FRMPD4: variants seen among roughly 807,000 people sequenced by gnomAD.
FRMPD4 encodes FERM and PDZ domain containing 4.
In FRMPD4, 22 loss-of-function variants were observed where a neutral mutation model predicts 94.1. That is an observed-to-expected ratio of 0.23 (90% CI 0.17 to 0.33). The LOEUF is 0.33. Ranked by LOEUF, FRMPD4 falls within the 10% of genes least tolerant of loss-of-function variation. FRMPD4 has a pLI of 1.00. For missense variants in FRMPD4, 1,111 were observed against 1,339.9 expected, an observed-to-expected ratio of 0.83 and a Z score of 2.67; for synonymous variants, 631 against 548.6, an observed-to-expected ratio of 1.15 and a Z score of -2.10.
chrX:12,378,507 C>T (rs1425481078), intron 1 of FRMPD4, among the ~76,000 whole-genome samples: 2 of 112,268 alleles, frequency 1.8e-5, no homozygotes, highest in African/African-American at 6.5e-5. Flanking sequence ...AGTCAAATGC[C>T]ACTTGGGGGT....
chrX:12,011,570 G>A (rs1000994939), intron 3 of FRMPD4, among the ~76,000 whole-genome samples: 1 of 111,883 alleles, frequency 8.9e-6, no homozygotes, highest in African/African-American at 3.3e-5. Context: ...GAGAAACCAA[G>A]CAACCTTGAA....
intron 3 of FRMPD4, among the ~76,000 whole-genome samples, chrX:12,043,205 A>G (rs1260966544): frequency 8.9e-6 from 1 of 111,987 alleles, no homozygotes; most frequent in Non-Finnish European, 1.9e-5. Flanking sequence ...TCACTCTGTC[A>G]TACATTGAAA....
chrX:12,322,390 C>T (rs749517114), intron 1 of FRMPD4, among the ~76,000 whole-genome samples: 45 of 110,885 alleles, frequency 4.1e-4, no homozygotes, highest in Middle Eastern at 9.4e-3. Flanking sequence ...GAAGCTGACC[C>T]CAGAGTGGAT....
At chrX:12,455,327 G>A (rs748076522) in intron 1 of FRMPD4, among the ~76,000 whole-genome samples, 2 of 111,660 alleles carry the variant, frequency 1.8e-5, no homozygotes, top group Non-Finnish European at 3.8e-5. Context: ...CTGACAAAAG[G>A]TTAGGACTGG....
At chrX:11,887,348 A>G (rs933501455) in intron 3 of FRMPD4, among the ~76,000 whole-genome samples, 1 of 111,454 alleles carries the variant, frequency 9.0e-6, no homozygotes, top group Non-Finnish European at 1.9e-5. Flanking sequence ...AGACACGGCT[A>G]ATCACAGACA....
intron 1 of FRMPD4, among the ~76,000 whole-genome samples, chrX:12,383,829 G>A (rs1430061033): frequency 9.0e-6 from 1 of 111,649 alleles, no homozygotes; most frequent in Non-Finnish European, 1.9e-5. Flanking sequence ...AGACACGGCA[G>A]CCACACATTC....
At chrX:12,564,828 TGA>T (rs62871260) in intron 2 of FRMPD4, among the ~76,000 whole-genome samples, 6 of 103,341 alleles carry the variant, frequency 5.8e-5, no homozygotes, top group East Asian at 6.0e-4. Context: ...AGGAAATGCT[TGA>T]GAGAGAGAGA....
chrX:12,190,331 G>A (rs764973708), intron 1 of FRMPD4, among the ~76,000 whole-genome samples: 1 of 111,130 alleles, frequency 9.0e-6, no homozygotes, highest in East Asian at 2.8e-4. Flanking sequence ...ATCCCAGGAA[G>A]TTATTTTGTG....
At chrX:11,896,027 C>G (rs947793732) in intron 3 of FRMPD4, among the ~76,000 whole-genome samples, 4 of 112,374 alleles carry the variant, frequency 3.6e-5, no homozygotes, top group African/African-American at 1.3e-4. Flanking sequence ...GGAGCTGTCC[C>G]TTGTGATACT....
intron 3 of FRMPD4, among the ~76,000 whole-genome samples, chrX:12,108,784 A>C (rs1200865597): frequency 8.9e-6 from 1 of 112,026 alleles, no homozygotes; most frequent in Non-Finnish European, 1.9e-5. Context: ...CTAGTCTCTG[A>C]TAAAACAGAC....
intron 1 of FRMPD4, among the ~76,000 whole-genome samples, chrX:12,311,778 A>G (rs959448213): frequency 1.5e-4 from 17 of 111,618 alleles, no homozygotes; most frequent in African/African-American, 4.9e-4. Flanking sequence ...TTTAAGTCTC[A>G]TAATTCTTTT....
chrX:12,079,495 T>A (rs1388727359), intron 3 of FRMPD4, among the ~76,000 whole-genome samples: 1 of 111,931 alleles, frequency 8.9e-6, no homozygotes, highest in Non-Finnish European at 1.9e-5. Flanking sequence ...TCCCCATTTT[T>A]ACACTTTAAG....
intron 2 of FRMPD4, among the ~76,000 whole-genome samples, chrX:12,525,384 A>G (rs1424809850): frequency 6.3e-5 from 7 of 111,834 alleles, no homozygotes; most frequent in Admixed American, 5.7e-4. Context: ...GCCTATGGTC[A>G]TGCAAGGCAA....
chrX:12,477,070 G>A (rs1347000678), intron 1 of FRMPD4, among the ~76,000 whole-genome samples: 1 of 111,583 alleles, frequency 9.0e-6, no homozygotes, highest in Non-Finnish European at 1.9e-5. Context: ...GTCCAACAAC[G>A]ATAGACTAGG....
At chrX:11,986,165 T>C (rs2054428377) in intron 3 of FRMPD4, among the ~76,000 whole-genome samples, 1 of 112,416 alleles carries the variant, frequency 8.9e-6, no homozygotes, top group South Asian at 3.7e-4. Flanking sequence ...GCTTGTGTCA[T>C]GCCACCCCCA....
chrX:12,719,991 GAAAGA>G lies in FRMPD4; in HGVS notation c.3965-540_3965-536del, dbSNP rs2042189255. On this transcript the variant is annotated intron_variant, in intron 16 of 16. Transcript: ENST00000675598. ...GGCCACTTCTTTAAAAGAAAGAAAG[GAAAGA>G]AAGGAAAGGAAAGGAAAGGAAAGGA... 1.2e-4 allele frequency among the ~76,000 whole-genome samples: 9 copies of G among 74,274 alleles called. No homozygotes were observed. The South Asian group carries it at 4.7e-3, about 38-fold the overall frequency. 64.5% of individuals were successfully genotyped at this position (74,274 alleles called of 115,157 possible).
At chrX:11,974,684 T>C (rs2054358215) in intron 3 of FRMPD4, among the ~76,000 whole-genome samples, 2 of 112,256 alleles carry the variant, frequency 1.8e-5, no homozygotes, top group African/African-American at 6.5e-5. Context: ...CTTTTTTTCT[T>C]AGCCAGTGAT....
Position 12,398,411 on chromosome X carries a change from TC to T in FRMPD4, c.42-100266del, listed in dbSNP as rs1186130626. ...ACTAAGAAATTCAATGCTTGCTCCT[TC>T]CCATGAGTTCCAGGGAAGAGAGGAA... On this transcript the variant is annotated intron_variant, in intron 1 of 16. Coordinates refer to ENST00000675598, the MANE Select transcript of FRMPD4 (RefSeq NM_001368397.1). Among the ~76,000 whole-genome samples the T allele has an allele frequency of 7.1e-5, 8 of 112,060 alleles. No individual in the cohort carries two copies. In the East Asian group the frequency reaches 1.4e-3, roughly 20 times the overall value.
intron 1 of FRMPD4, among the ~76,000 whole-genome samples, chrX:12,363,444 A>G (rs1434405071): frequency 1.8e-5 from 2 of 112,640 alleles, no homozygotes; most frequent in African/African-American, 6.5e-5. Context: ...TCAAGACTGT[A>G]TAAGTCCCAA....
Sources: allele counts gnomAD v4.1 joint callset (sites outside exome capture counted in the v4.1 genomes callset), GRCh38; gene constraint gnomAD v4.1.1; transcripts MANE v1.5; gene names NCBI Gene and HGNC (gene_info 2026-07-23, HGNC 2026-07-21).